KAZN: variants seen among roughly 807,000 people sequenced by gnomAD.
KAZN encodes kazrin.
KAZN carries 40 observed loss-of-function variants against 87.4 expected under a neutral mutation model. That is an observed-to-expected ratio of 0.46 (90% CI 0.36 to 0.60). The LOEUF (loss-of-function observed/expected upper bound fraction) is 0.60. KAZN is among the 20% of genes least tolerant of loss of function. The pLI is 0.00. For synonymous variants in KAZN, 466 were observed against 458.3 expected (o/e 1.02, Z -0.22); for missense variants, 898 against 1,073.9 (o/e 0.84, Z 2.29).
At chr1:14,504,665 G>A (rs895873355) in intron 2 of KAZN, among the ~76,000 whole-genome samples, 16 of 152,256 alleles carry the variant, frequency 1.1e-4, no homozygotes, top group African/African-American at 3.1e-4. Flanking sequence ...CATCAGCAAC[G>A]CCCATCTTCC....
intron 1 of KAZN, among the ~76,000 whole-genome samples, chr1:14,055,396 G>T (rs1006779461): frequency 6.6e-6 from 1 of 152,172 alleles, no homozygotes; most frequent in East Asian, 1.9e-4. Flanking sequence ...TGAAGATGTG[G>T]GTGCATGATA....
chr1:15,009,362 A>G (rs1557711911), intron 2 of KAZN, among the ~76,000 whole-genome samples: 1 of 152,216 alleles, frequency 6.6e-6, no homozygotes, highest in Non-Finnish European at 1.5e-5. Flanking sequence ...GAACTCAGGT[A>G]AGCGCCATCC....
At chr1:14,850,687 C>G (rs1488441312) in intron 1 of KAZN, among the ~76,000 whole-genome samples, 1 of 152,122 alleles carries the variant, frequency 6.6e-6, no homozygotes, top group Non-Finnish European at 1.5e-5. Flanking sequence ...CTGTGTGGCA[C>G]AGACCAGGCC....
chr1:14,989,555 A>G (rs977878819), intron 2 of KAZN, among the ~76,000 whole-genome samples: 1 of 152,210 alleles, frequency 6.6e-6, no homozygotes, highest in Non-Finnish European at 1.5e-5. Flanking sequence ...GAGGCAGTAC[A>G]TTGGAGGGGT....
intron 1 of KAZN, among the ~76,000 whole-genome samples, chr1:14,637,781 G>A (rs190562046): frequency 4.6e-4 from 70 of 152,278 alleles, no homozygotes; most frequent in Admixed American, 1.7e-3. Context: ...ATATATATGT[G>A]TGTGTGCATA....
intron 13 of KAZN, among the ~76,000 whole-genome samples, chr1:15,110,399 GTC>G (rs1491371880): frequency 4.7e-4 from 71 of 149,984 alleles, no homozygotes; most frequent in African/African-American, 1.6e-3. Flanking sequence ...GTTTGTGTGT[GTC>G]TGTGTATTTG....
At chr1:14,758,914 A>AC (rs1644654466) in intron 1 of KAZN, among the ~76,000 whole-genome samples, 1 of 151,654 alleles carries the variant, frequency 6.6e-6, no homozygotes, top group Non-Finnish European at 1.5e-5. Context: ...TCCAGAAAAA[A>AC]AAAAATGAAA....
intron 1 of KAZN, among the ~76,000 whole-genome samples, chr1:14,134,582 A>G (rs138656772): frequency 1.6e-4 from 24 of 152,352 alleles, no homozygotes; most frequent in Non-Finnish European, 1.5e-5. Context: ...GTAAAAGATC[A>G]TTTTATTGGT....
chr1:14,630,981 T>C (rs571531818), intron 1 of KAZN, among the ~76,000 whole-genome samples: 3 of 152,214 alleles, frequency 2.0e-5, no homozygotes, highest in African/African-American at 7.2e-5. Flanking sequence ...CTAGTATACG[T>C]TGATTACCCC....
At chr1:14,845,928 G>A (rs1172142819) in intron 1 of KAZN, among the ~76,000 whole-genome samples, 1 of 152,088 alleles carries the variant, frequency 6.6e-6, no homozygotes, top group Non-Finnish European at 1.5e-5. Flanking sequence ...CCTAAAGAAG[G>A]TTTGACAAAG....
In KAZN at chr1:14,949,950, G is replaced by C. The variant is rs974452754; in HGVS notation, c.227-10734G>C. 6.6e-6 allele frequency among the ~76,000 whole-genome samples: 1 copy of C among 151,998 alleles called. No homozygotes were observed. Among genetic ancestry groups the C allele is most frequent in the African/African-American group, 2.4e-5 (1 of 41,364 alleles). ...CCGAGGAGGGTCTGGCTAAAGGTGT[G>C]TTTACAGGCCAGCGGCTTCACCGGA... On this transcript the variant is annotated intron_variant, in intron 1 of 14. Transcript: ENST00000376030. The surrounding 1 kb of genome is among the most constrained non-coding windows in gnomAD (Gnocchi z 4.3).
chr1:14,623,576 A>G (rs1375995406), intron 1 of KAZN, among the ~76,000 whole-genome samples: 1 of 152,228 alleles, frequency 6.6e-6, no homozygotes, highest in Non-Finnish European at 1.5e-5. Flanking sequence ...ATGACACACA[A>G]TATACCTAGA....
chr1:14,790,930 G>A (rs143845832), intron 1 of KAZN, among the ~76,000 whole-genome samples: 2 of 152,154 alleles, frequency 1.3e-5, no homozygotes, highest in Admixed American at 6.5e-5. Context: ...GAGCTCAAGC[G>A]ATCCTCCAGC....
At chr1:14,240,319 C>A (rs139711450) in intron 2 of KAZN, among the ~76,000 whole-genome samples, 2 of 152,210 alleles carry the variant, frequency 1.3e-5, no homozygotes, top group Non-Finnish European at 2.9e-5. Flanking sequence ...TGTGCCCACG[C>A]GACACCTCTG....
chr1:14,296,943 T>C (rs1310027550), intron 2 of KAZN, among the ~76,000 whole-genome samples: 1 of 152,128 alleles, frequency 6.6e-6, no homozygotes, highest in African/African-American at 2.4e-5. Context: ...AGTCATGTTA[T>C]CGTTATGCAC....
intron 1 of KAZN, among the ~76,000 whole-genome samples, chr1:14,873,351 AG>A (rs1459866273): frequency 2.0e-5 from 3 of 152,274 alleles, no homozygotes; most frequent in African/African-American, 7.2e-5. Flanking sequence ...AAGAATTTCT[AG>A]TAGCAGTAAG....
chr1:14,164,030 C>T (rs188965606), intron 1 of KAZN, among the ~76,000 whole-genome samples: 5 of 152,284 alleles, frequency 3.3e-5, no homozygotes, highest in Admixed American at 1.3e-4. Context: ...GCCCACTGCT[C>T]GGTTGAAAAG....
chr1:15,070,409 A>C (rs1265364958), intron 8 of KAZN, among the ~76,000 whole-genome samples: 1 of 152,192 alleles, frequency 6.6e-6, no homozygotes, highest in Non-Finnish European at 1.5e-5. Flanking sequence ...TGGCTAAGTC[A>C]GGAGCAGAAT....
At chr1:14,215,798 C>T (rs1646945700) in intron 2 of KAZN, among the ~76,000 whole-genome samples, 1 of 152,120 alleles carries the variant, frequency 6.6e-6, no homozygotes, top group Non-Finnish European at 1.5e-5. Context: ...CCATATTATT[C>T]TGGCTCTCTC....
Sources: gnomAD v4.1 joint callset for allele counts (sites outside exome capture counted in the v4.1 genomes callset) on GRCh38, gnomAD v4.1.1 for gene constraint, Gnocchi (gnomAD v3.1) non-coding constraint, MANE v1.5 for transcripts, NCBI Gene and HGNC (gene_info 2026-07-23, HGNC 2026-07-21) for gene names.